THSD4: variants seen among roughly 807,000 people sequenced by gnomAD.
THSD4 encodes the protein thrombospondin type 1 domain containing 4.
THSD4 carries 69 observed loss-of-function variants against 119.0 expected under a neutral mutation model. That is an observed-to-expected ratio of 0.58 (90% confidence interval 0.48 to 0.71). The LOEUF (loss-of-function observed/expected upper bound fraction) is 0.71, where lower values mean the gene tolerates loss of function less well. Ranked by LOEUF, THSD4 falls within the 30% of genes least tolerant of loss-of-function variation. The pLI is 0.00. For synonymous variants in THSD4, 524 were observed against 540.4 expected, an observed-to-expected ratio of 0.97 and a Z score of 0.42; for missense variants, 1,393 against 1,391.1, an observed-to-expected ratio of 1.00 and a Z score of -0.02.
At chr15:71,196,087 T>C (rs750147776) in intron 3 of THSD4, among the ~76,000 whole-genome samples, 7 of 151,966 alleles carry the variant, frequency 4.6e-5, no homozygotes, top group Non-Finnish European at 8.8e-5. Flanking sequence ...CCTCACATAG[T>C]GGAAAGCAGA....
intron 7 of THSD4, among the ~76,000 whole-genome samples, chr15:71,569,167 G>A (rs1406951339): frequency 6.6e-6 from 1 of 152,212 alleles, no homozygotes; most frequent in Non-Finnish European, 1.5e-5. Flanking sequence ...TGCTGGTCAG[G>A]AGCCCTGAAG....
chr15:71,289,786 A>G (rs1269396882), intron 6 of THSD4, among the ~76,000 whole-genome samples: 1 of 151,972 alleles, frequency 6.6e-6, no homozygotes, highest in African/African-American at 2.4e-5. Flanking sequence ...CCTTTCCTTT[A>G]TGACTTGCCA....
At chr15:71,317,255 A>G (rs1179057463) in intron 6 of THSD4, among the ~76,000 whole-genome samples, 3 of 152,222 alleles carry the variant, frequency 2.0e-5, no homozygotes, top group Non-Finnish European at 4.4e-5. Context: ...ATTTCTGTGT[A>G]CACAGGGTAG....
rs2141371433 is a variant in THSD4, at chr15:71,141,560, A to G, written c.29+4A>G. The G allele has an allele frequency of 6.2e-7, 1 of 1,608,230 alleles. No individual in the cohort carries two copies. Among genetic ancestry groups the G allele is most frequent in the Non-Finnish European group, 8.5e-7 (1 of 1,177,690 alleles). On this transcript the variant is annotated splice_donor_region_variant and intron_variant, in intron 2 of 17. Transcript: ENST00000261862. ...CCCATTTCATGGGGTCTCTCAGGTA[A>G]GTGAAGAAACTTTTTTTAAAAAAAC...
At chr15:71,726,937 C>CA (rs796495334) in intron 8 of THSD4, among the ~76,000 whole-genome samples, 1,360 of 128,780 alleles carry the variant, frequency 0.011, 22 homozygotes, top group East Asian at 0.047. Context: ...AACGCCATCT[C>CA]AAAAAAAAAA....
At chr15:71,558,667 T>C (rs1462865927) in intron 7 of THSD4, among the ~76,000 whole-genome samples, 2 of 152,026 alleles carry the variant, frequency 1.3e-5, no homozygotes, top group Admixed American at 1.3e-4. Flanking sequence ...GATGGGGTCT[T>C]TCTATGTTGA....
intron 7 of THSD4, among the ~76,000 whole-genome samples, chr15:71,560,038 C>T (rs1375614241): frequency 6.6e-6 from 1 of 152,116 alleles, no homozygotes; most frequent in African/African-American, 2.4e-5. Context: ...GACATGCATA[C>T]TCAATTAGGC....
At chr15:71,171,455 A>C (rs1596239) in intron 3 of THSD4, among the ~76,000 whole-genome samples, 80,833 of 152,030 alleles carry the variant, frequency 0.53, 24,565 homozygotes, top group Middle Eastern at 0.71. Context: ...AATGAAGGTA[A>C]AATAAAGACA....
intron 3 of THSD4, among the ~76,000 whole-genome samples, chr15:71,173,635 A>G (rs2043407131): frequency 6.6e-6 from 1 of 151,012 alleles, no homozygotes; most frequent in Non-Finnish European, 1.5e-5. Flanking sequence ...ATATATATGG[A>G]CAATTTTCTA....
intron 3 of THSD4, among the ~76,000 whole-genome samples, chr15:71,199,806 G>GTGTGTGC (rs1158116874): frequency 6.7e-6 from 1 of 149,034 alleles, no homozygotes; most frequent in Non-Finnish European, 1.5e-5. Context: ...TGTGTGCTGT[G>GTGTGTGC]TGTGTGTGAT....
At chr15:71,615,209 T>C (rs540932504) in intron 7 of THSD4, among the ~76,000 whole-genome samples, 26 of 152,256 alleles carry the variant, frequency 1.7e-4, no homozygotes, top group Non-Finnish European at 2.6e-4. Flanking sequence ...TACATGTAAA[T>C]GGAAAAATGG....
chr15:71,747,054 G>C lies in THSD4; in HGVS notation c.2241+12G>C, dbSNP rs1349222051. ...CCGACTGGACCTCGGTACGCAGGCA[G>C]GGCAGCCCGCTCTGCAGCTCCCTCT... On this transcript the variant is annotated intron_variant, in intron 13 of 17. Coordinates refer to ENST00000261862, the MANE Select transcript of THSD4 (RefSeq NM_024817.3). The C allele has an allele frequency of 1.4e-5, 23 of 1,589,430 alleles. No homozygotes were observed. Among genetic ancestry groups the C allele is most frequent in the Non-Finnish European group, 1.9e-5 (22 of 1,171,594 alleles).
In THSD4 at chr15:71,541,774, A is replaced by C. The variant is rs529760336; in HGVS notation, c.1153-118756A>C. 1.3e-4 allele frequency among the ~76,000 whole-genome samples: 20 copies of C among 152,330 alleles called. 1 individual carries two copies. The East Asian group carries it at 1.3e-3, about 10-fold the overall frequency. ...GGCTAAGTTTTTAGAGACAAAAAGC[A>C]ACAGGAGCTAGCTCAGTGAGGATGG... On this transcript the variant is annotated intron_variant, in intron 7 of 17. Coordinates refer to ENST00000261862, the MANE Select transcript of THSD4 (RefSeq NM_024817.3).
In THSD4 at chr15:71,777,753, T is replaced by TAA. The variant is rs1398813719; in HGVS notation, c.*379_*380insAA. 113 of 247,812 alleles carry TAA rather than the reference T, an allele frequency of 4.6e-4. No individual in the cohort carries two copies. Among genetic ancestry groups the TAA allele is most frequent in the African/African-American group, 2.3e-3 (105 of 46,102 alleles). 15.4% of individuals were successfully genotyped at this position (247,812 alleles called of 1,614,324 possible). On this transcript the variant is annotated 3_prime_UTR_variant, in exon 18 of 18. Coordinates refer to ENST00000261862, the MANE Select transcript of THSD4 (RefSeq NM_024817.3). ...ACTGCCCCGTCCCTGGTGCTACTGG[T>TAA]CTTTCTAAACTTAGCACCCTGGAGA... is the stretch of plus-strand genomic sequence containing the variant.
rs555305908 is a variant in THSD4 at position 71,395,744 on chromosome 15, G to A, written c.1016-15943G>A. On this transcript the variant is annotated intron_variant, in intron 6 of 17. Transcript: ENST00000261862. Reference sequence around the variant, plus strand: ...GCCACAGAACAAGCCCCTGTCCCCCGACTCCCAAAAAAAAGATGGTGCGAG... The same window carrying A: ...GCCACAGAACAAGCCCCTGTCCCCCAACTCCCAAAAAAAAGATGGTGCGAG... 7.9e-4 allele frequency among the ~76,000 whole-genome samples: 120 copies of A among 151,878 alleles called. 1 individual carries two copies. Among genetic ancestry groups the A allele is most frequent in the African/African-American group, 2.8e-3 (114 of 41,454 alleles).
At chr15:71,519,207 T>G (rs1168773739) in intron 7 of THSD4, among the ~76,000 whole-genome samples, 1 of 151,984 alleles carries the variant, frequency 6.6e-6, no homozygotes, top group Non-Finnish European at 1.5e-5. Flanking sequence ...GCCATGTCTT[T>G]CAGGAGCAGC....
chr15:71,617,710 G>A (rs34683593), intron 7 of THSD4, among the ~76,000 whole-genome samples: 4,426 of 152,290 alleles, frequency 0.029, 93 homozygotes, highest in South Asian at 0.047. Flanking sequence ...AAAATGCAGT[G>A]AGCCACCCCC....
intron 7 of THSD4, among the ~76,000 whole-genome samples, chr15:71,623,031 T>C (rs1013398374): frequency 2.6e-5 from 4 of 152,082 alleles, no homozygotes; most frequent in Admixed American, 6.6e-5. Flanking sequence ...GCAGTGCCAG[T>C]TGATGGAGGT....
intron 7 of THSD4, among the ~76,000 whole-genome samples, chr15:71,447,050 A>G: frequency 6.7e-6 from 1 of 149,816 alleles, no homozygotes; most frequent in East Asian, 2.0e-4. Context: ...GCATGGAGGA[A>G]GGGGGAAGTG....
Sources: allele counts gnomAD v4.1 joint callset (sites outside exome capture counted in the v4.1 genomes callset), GRCh38; gene constraint gnomAD v4.1.1; transcripts MANE v1.5; gene names NCBI Gene and HGNC (gene_info 2026-07-23, HGNC 2026-07-21).